Variants in KHDRBS2 observed in about 807,000 individuals in gnomAD.
KHDRBS2 encodes KH domain-containing, RNA-binding, signal transduction-associated protein 2.
In KHDRBS2, 26 loss-of-function variants were observed where a neutral mutation model predicts 44.3. The observed-to-expected ratio is 0.59, with a 90% confidence interval of 0.43 to 0.81. The LOEUF (loss-of-function observed/expected upper bound fraction) is 0.81. KHDRBS2 is among the 40% of genes least tolerant of loss of function. The pLI, the probability that KHDRBS2 is intolerant of heterozygous loss-of-function variation, is 0.00. For synonymous variants in KHDRBS2, 194 were observed against 151.1 expected (o/e 1.28, Z -2.08); for missense variants, 476 against 433.1 (o/e 1.10, Z -0.88).
chr6:61,755,550 G>A (rs1021065112), intron 6 of KHDRBS2, among the ~76,000 whole-genome samples: 24 of 152,076 alleles, frequency 1.6e-4, no homozygotes, highest in Admixed American at 2.6e-4. Context: ...AGTGGCTCAT[G>A]TCTATAATCC....
chr6:62,120,090 G>T lies in KHDRBS2; in HGVS notation c.219+57095C>A, dbSNP rs1404130973. On this transcript the variant is annotated intron_variant, in intron 2 of 8. Coordinates refer to ENST00000281156, the MANE Select transcript of KHDRBS2 (RefSeq NM_152688.4). ...GTATCAGGCTGAATTTATTGATTTG[G>T]GCCCAGTATGCAGGGATTCTGCATT... is the stretch of plus-strand genomic sequence containing the variant. Among the ~76,000 whole-genome samples the T allele has an allele frequency of 2.0e-5, 3 of 152,118 alleles. No individual in the cohort carries two copies. In the East Asian group the frequency reaches 5.8e-4, roughly 29 times the overall value.
At position 62,026,417 on chromosome 6, in the gene KHDRBS2, T is replaced by TTTA. The variant is rs372829154; in HGVS notation, c.336+21458_336+21460dup. Among the ~76,000 whole-genome samples the TTTA allele has an allele frequency of 5.0e-3, 716 of 143,112 alleles. 2 individuals carry two copies. Among genetic ancestry groups the TTTA allele is most frequent in the East Asian group, 0.015 (73 of 4,908 alleles). The allele number at this position is 143,112 out of a possible 152,430, so 93.9% of individuals were successfully genotyped here. A position where few individuals can be genotyped will look rare whatever the true frequency, so the allele number is the denominator to read the frequency against. On this transcript the variant is annotated intron_variant, in intron 3 of 8. Transcript: ENST00000281156. ...TTAACTAATTAATTATTTTATTTTA[T>TTTA]TTATTATTATTATTATTATTATTTT...
intron 2 of KHDRBS2, among the ~76,000 whole-genome samples, chr6:62,173,794 CAAATT>C (rs2150121088): frequency 1.3e-5 from 2 of 151,630 alleles, no homozygotes; most frequent in South Asian, 4.1e-4. Flanking sequence ...ATTATTCACA[CAAATT>C]AAAATAAAAA....
At chr6:61,841,388 G>C (rs1793580723) in intron 6 of KHDRBS2, among the ~76,000 whole-genome samples, 1 of 151,738 alleles carries the variant, frequency 6.6e-6, no homozygotes, top group South Asian at 2.1e-4. Context: ...AATTCAACTT[G>C]AATACATTTA....
chr6:61,665,673 A>G, the KHDRBS2 span, among the ~76,000 whole-genome samples: 1 of 151,292 alleles, frequency 6.6e-6, no homozygotes. Flanking sequence ...TGCTGGTAAA[A>G]TCTGAATATC....
At chr6:61,848,469 T>TTATATATATATA (rs796641130) in intron 6 of KHDRBS2, among the ~76,000 whole-genome samples, 4 of 73,676 alleles carry the variant, frequency 5.4e-5, no homozygotes, top group Non-Finnish European at 7.6e-5. Context: ...AATGGAGGTT[T>TTATATATATATA]TATATATATA....
chr6:62,195,604 A>G (rs1434744985), intron 1 of KHDRBS2, among the ~76,000 whole-genome samples: 1 of 152,170 alleles, frequency 6.6e-6, no homozygotes, highest in Non-Finnish European at 1.5e-5. Flanking sequence ...ACTGTGAAAT[A>G]ATGGCAGCAC....
intron 1 of KHDRBS2, among the ~76,000 whole-genome samples, chr6:62,198,628 T>A (rs1185924235): frequency 6.6e-6 from 1 of 152,094 alleles, no homozygotes; most frequent in Non-Finnish European, 1.5e-5. Flanking sequence ...CAGGACCAGA[T>A]GGATTCACAG....
At chr6:62,048,687 C>A (rs1487344470) in intron 2 of KHDRBS2, among the ~76,000 whole-genome samples, 9 of 151,876 alleles carry the variant, frequency 5.9e-5, no homozygotes, top group Non-Finnish European at 1.2e-4. Context: ...TGGGGTTCCA[C>A]ATAATTTGCT....
chr6:61,848,505 ATATATGTATATATG>A (rs1254973837), intron 6 of KHDRBS2, among the ~76,000 whole-genome samples: 3 of 57,686 alleles, frequency 5.2e-5, no homozygotes, highest in East Asian at 8.1e-4. Flanking sequence ...ATATATATAT[ATATATGTATATATG>A]TATATATATA....
At chr6:62,126,131 C>T (rs1808906447) in intron 2 of KHDRBS2, among the ~76,000 whole-genome samples, 2 of 152,110 alleles carry the variant, frequency 1.3e-5, no homozygotes, top group Non-Finnish European at 2.9e-5. Context: ...AAAGGAGAGT[C>T]CTAGGCCTGG....
chr6:61,607,373 A>C, the KHDRBS2 span, among the ~76,000 whole-genome samples: 2 of 151,460 alleles, frequency 1.3e-5, no homozygotes, highest in Non-Finnish European at 2.9e-5. Context: ...TCAGATATAA[A>C]ATAATTAAAT....
At chr6:61,667,515 A>C in the KHDRBS2 span, among the ~76,000 whole-genome samples, 1 of 151,286 alleles carries the variant, frequency 6.6e-6, no homozygotes, top group Admixed American at 6.6e-5. Flanking sequence ...ACTTGGACCA[A>C]TATACCAGTT....
chr6:62,144,965 T>C (rs774896918), intron 2 of KHDRBS2, among the ~76,000 whole-genome samples: 6 of 151,990 alleles, frequency 3.9e-5, no homozygotes, highest in Admixed American at 1.3e-4. Context: ...GGATTCATAA[T>C]TGAATTTATA....
chr6:62,278,987 A>G (rs1432938704), intron 1 of KHDRBS2, among the ~76,000 whole-genome samples: 1 of 152,086 alleles, frequency 6.6e-6, no homozygotes, highest in Non-Finnish European at 1.5e-5. Context: ...CCAGCTACTC[A>G]GGAGGCTGAG....
the KHDRBS2 span, among the ~76,000 whole-genome samples, chr6:61,556,872 ATTTTTTTTT>A: frequency 1.3e-3 from 110 of 87,506 alleles, no homozygotes; most frequent in Non-Finnish European, 1.6e-3. Flanking sequence ...TGAAATTGAG[ATTTTTTTTT>A]TTTTTTTTTT....
chr6:62,213,314 C>T (rs1464641154), intron 1 of KHDRBS2, among the ~76,000 whole-genome samples: 1 of 151,110 alleles, frequency 6.6e-6, no homozygotes, highest in African/African-American at 2.4e-5. Flanking sequence ...TTTTATGTCC[C>T]GAGATTGAGG....
intron 6 of KHDRBS2, among the ~76,000 whole-genome samples, chr6:61,839,993 A>C (rs1043925306): frequency 6.6e-6 from 1 of 152,090 alleles, no homozygotes; most frequent in East Asian, 1.9e-4. Flanking sequence ...GATTAAGCAA[A>C]GTGTTTTCAG....
chr6:61,935,614 C>G (rs2127370725), intron 4 of KHDRBS2, among the ~76,000 whole-genome samples: 1 of 152,260 alleles, frequency 6.6e-6, no homozygotes. Flanking sequence ...AAATGGGAAA[C>G]AAATTCCCCT....
Sources: gnomAD v4.1 joint callset for allele counts (sites outside exome capture counted in the v4.1 genomes callset) on GRCh38, gnomAD v4.1.1 for gene constraint, MANE v1.5 for transcripts, NCBI Gene and HGNC (gene_info 2026-07-23, HGNC 2026-07-21) for gene names.